PSMG2: variants seen among roughly 807,000 people sequenced by gnomAD.
The protein encoded by PSMG2 is proteasome assembly chaperone 2, also known as CD40 ligand-activated specific transcript 3.
A neutral mutation model predicts 31.5 loss-of-function variants in PSMG2; 21 were observed. That is an observed-to-expected ratio of 0.67 (90% CI 0.47 to 0.96). The LOEUF is 0.96. Among genes scored for constraint, PSMG2 ranks in the 40% least tolerant of loss-of-function variants. The pLI, the probability that PSMG2 is intolerant of heterozygous loss-of-function variation, is 0.00. For missense variants in PSMG2, 318 were observed against 321.2 expected (o/e 0.99, Z 0.08); for synonymous variants, 120 against 110.4 (o/e 1.09, Z -0.54).
chr18:12,700,207 T>C (rs1421097526), upstream of PSMG2: 1 of 194,328 alleles, frequency 5.1e-6, no homozygotes, highest in Non-Finnish European at 1.0e-5. Context: ...CTGTAAACCT[T>C]ATGTAACAGT....
intron 6 of PSMG2, 96 bp from the exon 7 acceptor site, chr18:12,725,343 C>A (rs1243643060): frequency 2.0e-6 from 2 of 983,170 alleles, no homozygotes; most frequent in Non-Finnish European, 2.9e-6. Context: ...AAAGTGCCAA[C>A]CAAAAGGAAC....
At chr18:12,705,576 A>AGTGTGTGTGTGTGTGTGTGTGT (rs548642491) in intron 1 of PSMG2, among the ~76,000 whole-genome samples, 3 of 129,676 alleles carry the variant, frequency 2.3e-5, no homozygotes, top group Non-Finnish European at 3.1e-5. Context: ...AGAGAGAGAG[A>AGTGTGTGTGTGTGTGTGTGTGT]GTGTGTGTGT....
upstream of PSMG2, chr18:12,700,260 TCA>T: frequency 6.2e-6 from 1 of 162,528 alleles, no homozygotes; most frequent in Non-Finnish European, 1.3e-5. Context: ...TAAAGTGTCA[TCA>T]CAGAGTAGAA....
intron 1 of PSMG2, chr18:12,678,185 G>A (rs1409403937): frequency 2.5e-6 from 4 of 1,614,164 alleles, no homozygotes; most frequent in East Asian, 2.2e-5. Context: ...AATTGTGGAT[G>A]CACACAGAGG....
upstream of PSMG2, chr18:12,702,917 G>C: frequency 1.6e-6 from 1 of 622,550 alleles, no homozygotes; most frequent in East Asian, 3.2e-5. Context: ...CCCTCTTCGC[G>C]GCCACCCGGC....
chr18:12,673,494 G>A, intron 1 of PSMG2: 1 of 1,576,002 alleles, frequency 6.3e-7, no homozygotes, highest in Non-Finnish European at 8.6e-7. Flanking sequence ...TTTCTTCACA[G>A]AAAGGAGATC....
chr18:12,723,939 C>T (rs181511544), intron 5 of PSMG2, among the ~76,000 whole-genome samples: 20 of 152,238 alleles, frequency 1.3e-4, no homozygotes, highest in Admixed American at 1.2e-3. Flanking sequence ...TCTTTGTTCC[C>T]GTTATTCCAA....
Position 12,715,877 on chromosome 18 carries a change from G to A in PSMG2, c.289-2640G>A, listed in dbSNP as rs112995204. ...ACAAATCATAAATATACAGCTTGGT[G>A]AATTTTCATGCAGTAAACCCTCTGT... On this transcript the variant is annotated intron_variant, in intron 3 of 6. Transcript: ENST00000317615. Among the ~76,000 whole-genome samples, 1,408 of 152,308 alleles carry A rather than the reference G, an allele frequency of 9.2e-3. 23 individuals are homozygous for A. Among genetic ancestry groups the A allele is most frequent in the African/African-American group, 0.032 (1,344 of 41,570 alleles).
chr18:12,690,824 G>A (rs1207717287), intron 1 of PSMG2, among the ~76,000 whole-genome samples: 5 of 152,058 alleles, frequency 3.3e-5, no homozygotes, highest in Non-Finnish European at 5.9e-5. Context: ...GAAAAATGGA[G>A]GCAGAGATAT....
chr18:12,681,129 C>T (rs969003967), intron 1 of PSMG2, among the ~76,000 whole-genome samples: 4 of 148,254 alleles, frequency 2.7e-5, no homozygotes, highest in Non-Finnish European at 5.9e-5. Flanking sequence ...ACTTGGGAGG[C>T]GGAGGTTGCA....
chr18:12,703,275 A>C, intron 1 of PSMG2, 111 bp downstream of exon 1: 1 of 1,211,178 alleles, frequency 8.3e-7, no homozygotes, highest in Non-Finnish European at 1.1e-6. Flanking sequence ...ACTAGTTTCT[A>C]TTTCATGTTT....
intron 1 of PSMG2, among the ~76,000 whole-genome samples, chr18:12,691,792 T>G (rs1040448121): frequency 8.6e-5 from 13 of 151,618 alleles, no homozygotes; most frequent in African/African-American, 2.9e-4. Context: ...CTCAGCTCAC[T>G]GCAACCTCTG....
At chr18:12,710,755 T>C (rs934265956) in intron 2 of PSMG2, among the ~76,000 whole-genome samples, 1 of 152,112 alleles carries the variant, frequency 6.6e-6, no homozygotes, top group Non-Finnish European at 1.5e-5. Context: ...GCTTTCGTAA[T>C]GTATCACATC....
At position 12,725,649 on chromosome 18, in the gene PSMG2, CAAAG is replaced by C; in HGVS notation, c.*122_*125del. 1.6e-6 allele frequency: 1 copy of C among 626,568 alleles called. No homozygotes were observed. The highest frequency in any genetic ancestry group is 3.9e-5 in the Admixed American group (1 of 25,658). The allele number at this position is 626,568 out of a possible 1,614,324, so 38.8% of individuals were successfully genotyped here. A position where few individuals can be genotyped will look rare whatever the true frequency, so the allele number is the denominator to read the frequency against. ...AGGAAATTACTTTCACAGTAAATAT[CAAAG>C]AAAAAAGATTAAGGGTCTCTTTGCC... On this transcript the variant is annotated 3_prime_UTR_variant, in exon 7 of 7. Coordinates refer to ENST00000317615, the MANE Select transcript of PSMG2 (RefSeq NM_020232.5).
intron 2 of PSMG2, 140 bp from the exon 3 acceptor site, chr18:12,712,562 A>G (rs2040341454): frequency 1.7e-6 from 1 of 584,048 alleles, no homozygotes; most frequent in Admixed American, 3.4e-5. Flanking sequence ...TTTTAACCAG[A>G]TGTCATATAT....
upstream of PSMG2, chr18:12,702,838 G>A (rs1327456141): frequency 7.1e-6 from 4 of 562,668 alleles, no homozygotes; most frequent in Non-Finnish European, 1.2e-5. Flanking sequence ...CTCCCCGCGG[G>A]CCCCGCACCC....
chr18:12,673,367 A>G (rs2038998224), intron 1 of PSMG2: 1 of 1,606,064 alleles, frequency 6.2e-7, no homozygotes, highest in Non-Finnish European at 8.5e-7. Context: ...TATTGGCCCT[A>G]TAATACCGAG....
At chr18:12,719,310 A>G (rs1199763075) in intron 4 of PSMG2, among the ~76,000 whole-genome samples, 1 of 152,236 alleles carries the variant, frequency 6.6e-6, no homozygotes, top group Non-Finnish European at 1.5e-5. Flanking sequence ...GTATCCCAGA[A>G]ATAGAACTAT....
intron 1 of PSMG2, among the ~76,000 whole-genome samples, chr18:12,690,261 AAC>A (rs1208636526): frequency 6.6e-6 from 1 of 152,200 alleles, no homozygotes; most frequent in Non-Finnish European, 1.5e-5. Context: ...CTGGACACTA[AAC>A]CACTTTTAGC....
Sources: gnomAD v4.1 joint callset for allele counts (sites outside exome capture counted in the v4.1 genomes callset) on GRCh38, gnomAD v4.1.1 for gene constraint, MANE v1.5 for transcripts, NCBI Gene and HGNC (gene_info 2026-07-23, HGNC 2026-07-21) for gene names.